Variants in SPOCK3 observed in about 807,000 individuals in gnomAD.
SPOCK3 encodes testican-3.
A neutral mutation model predicts 56.6 loss-of-function variants in SPOCK3; 30 were observed. The ratio of observed to expected loss-of-function variants is 0.53; its 90% confidence interval spans 0.40 to 0.72. The LOEUF is 0.72. Among genes scored for constraint, SPOCK3 ranks in the 30% least tolerant of loss-of-function variants. The pLI, the probability that SPOCK3 is intolerant of heterozygous loss-of-function variation, is 0.00. For synonymous variants in SPOCK3, 196 were observed against 183.3 expected, an observed-to-expected ratio of 1.07 and a Z score of -0.56; for missense variants, 527 against 530.0, an observed-to-expected ratio of 0.99 and a Z score of 0.06.
chr4:167,227,011 A>G (rs1736665881), intron 2 of SPOCK3, among the ~76,000 whole-genome samples: 1 of 152,206 alleles, frequency 6.6e-6, no homozygotes, highest in Non-Finnish European at 1.5e-5. Flanking sequence ...ATTTACCTAT[A>G]TAACCATTAA....
chr4:166,950,356 T>C (rs2150034315), intron 4 of SPOCK3, among the ~76,000 whole-genome samples: 1 of 151,250 alleles, frequency 6.6e-6, no homozygotes, highest in Admixed American at 6.6e-5. Context: ...TACATAATGG[T>C]AAAGGGATCA....
Position 167,123,740 on chromosome 4 carries a change from CTTTTTTT to C in SPOCK3, c.190-61210_190-61204del, listed in dbSNP as rs901846399. On this transcript the variant is annotated intron_variant, in intron 2 of 10. Transcript: ENST00000357545. ...ACAGCTCCAACAAGACATTTCTTTT[CTTTTTTT>C]TTTTTTTTTTTTTTAAGACTGAGTC... 5.9e-5 allele frequency among the ~76,000 whole-genome samples: 7 copies of C among 118,364 alleles called. 2 individuals carry two copies. The highest frequency in any genetic ancestry group is 2.2e-4 in the African/African-American group (7 of 31,498). 77.7% of individuals were successfully genotyped at this position (118,364 alleles called of 152,430 possible).
chr4:167,048,587 A>G (rs1306211798), intron 3 of SPOCK3, among the ~76,000 whole-genome samples: 1 of 152,150 alleles, frequency 6.6e-6, no homozygotes, highest in Non-Finnish European at 1.5e-5. Context: ...TTTTCAGCTA[A>G]CACATAAATT....
At chr4:167,102,922 G>GAAAAAAAAAAAAAAA (rs55740507) in intron 2 of SPOCK3, among the ~76,000 whole-genome samples, 2 of 62,520 alleles carry the variant, frequency 3.2e-5, no homozygotes, top group African/African-American at 6.1e-5. Context: ...ATAGCTTGCA[G>GAAAAAAAAAAAAAAA]AAAAAAAAAA....
chr4:166,984,176 CT>C (rs1193460260), intron 4 of SPOCK3, among the ~76,000 whole-genome samples: 2 of 152,020 alleles, frequency 1.3e-5, no homozygotes, highest in Non-Finnish European at 2.9e-5. Flanking sequence ...CACAAATGCA[CT>C]TAAATTCTTT....
chr4:167,046,714 C>A (rs912558517), intron 3 of SPOCK3, among the ~76,000 whole-genome samples: 6 of 151,934 alleles, frequency 3.9e-5, no homozygotes, highest in Admixed American at 6.6e-5. Context: ...CTCGGCCTCC[C>A]AAAGTGCTAG....
chr4:167,056,974 C>T (rs904269037), intron 3 of SPOCK3, among the ~76,000 whole-genome samples: 1 of 152,104 alleles, frequency 6.6e-6, no homozygotes, highest in East Asian at 1.9e-4. Context: ...AACTCCAAGT[C>T]ACATAATTGT....
chr4:166,974,508 A>G (rs1484408482), intron 4 of SPOCK3, among the ~76,000 whole-genome samples: 4 of 152,148 alleles, frequency 2.6e-5, no homozygotes, highest in South Asian at 2.1e-4. Flanking sequence ...TGTTTTTAAT[A>G]CCAAATAATA....
At chr4:166,766,078 G>A (rs995606345) in intron 7 of SPOCK3, among the ~76,000 whole-genome samples, 9 of 152,014 alleles carry the variant, frequency 5.9e-5, no homozygotes, top group African/African-American at 1.9e-4. Flanking sequence ...CAGCTTAAGG[G>A]GATTTTGGGC....
At chr4:167,155,660 A>T (rs1026994637) in intron 2 of SPOCK3, among the ~76,000 whole-genome samples, 2 of 152,214 alleles carry the variant, frequency 1.3e-5, no homozygotes, top group African/African-American at 4.8e-5. Flanking sequence ...GGCAGAGAGT[A>T]TTAAATGTGG....
intron 3 of SPOCK3, among the ~76,000 whole-genome samples, chr4:167,035,392 ATAATG>A (rs1260989490): frequency 6.6e-6 from 1 of 152,022 alleles, no homozygotes; most frequent in African/African-American, 2.4e-5. Context: ...GGATAAGCAG[ATAATG>A]TAATGTAAGA....
intron 3 of SPOCK3, among the ~76,000 whole-genome samples, chr4:167,056,959 A>G (rs537411391): frequency 1.8e-4 from 27 of 152,152 alleles, no homozygotes; most frequent in African/African-American, 4.6e-4. Flanking sequence ...CTCCTCGAGA[A>G]GAGCAACTCC....
intron 6 of SPOCK3, among the ~76,000 whole-genome samples, chr4:166,859,778 T>C (rs1298248020): frequency 6.6e-6 from 1 of 152,122 alleles, no homozygotes; most frequent in Non-Finnish European, 1.5e-5. Flanking sequence ...GGGGGTTCCT[T>C]GTACTAAATA....
chr4:167,103,676 A>G (rs1759848744), intron 2 of SPOCK3, among the ~76,000 whole-genome samples: 1 of 152,190 alleles, frequency 6.6e-6, no homozygotes, highest in African/African-American at 2.4e-5. Context: ...ACTGCTCTGA[A>G]GGGAAGGACA....
chr4:167,119,994 T>G, intron 2 of SPOCK3: 1 of 606,606 alleles, frequency 1.6e-6, no homozygotes, highest in Non-Finnish European at 2.8e-6. Flanking sequence ...CACTGAAATA[T>G]TTTATGTTAA....
chr4:166,745,751 G>A (rs12647759), intron 8 of SPOCK3, among the ~76,000 whole-genome samples: 36,941 of 151,868 alleles, frequency 0.24, 5,459 homozygotes, highest in African/African-American at 0.41. Flanking sequence ...CCCATCTCAT[G>A]TGCAGAGACA....
At chr4:167,234,619 T>A, upstream of SPOCK3, 1 of 194,522 alleles carries the variant, frequency 5.1e-6, no homozygotes, top group Non-Finnish European at 1.1e-5. Context: ...CGCGCGGATC[T>A]CCAGCTTACT....
At chr4:167,129,341 C>G (rs1762529212) in intron 2 of SPOCK3, among the ~76,000 whole-genome samples, 1 of 152,176 alleles carries the variant, frequency 6.6e-6, no homozygotes, top group South Asian at 2.1e-4. Flanking sequence ...TGTGCTAGCT[C>G]TGGACTTACT....
intron 6 of SPOCK3, among the ~76,000 whole-genome samples, chr4:166,844,616 C>T (rs1332404607): frequency 7.4e-6 from 1 of 134,618 alleles, no homozygotes; most frequent in Non-Finnish European, 1.8e-5. Context: ...GATGTCTTGC[C>T]TGCCAGTGTC....
Sources: gnomAD v4.1 joint callset for allele counts (sites outside exome capture counted in the v4.1 genomes callset) on GRCh38, gnomAD v4.1.1 for gene constraint, MANE v1.5 for transcripts, NCBI Gene and HGNC (gene_info 2026-07-23, HGNC 2026-07-21) for gene names.